The following LHX9 variants were observed in gnomAD, a reference collection of about 807,000 sequenced individuals.
LHX9 encodes LIM homeobox 9, also known as LIM/homeobox protein Lhx9.
LHX9 carries 9 observed loss-of-function variants against 36.5 expected under a neutral mutation model. That is an observed-to-expected ratio of 0.25 (90% confidence interval 0.15 to 0.43). The LOEUF is 0.43. LHX9 is among the 20% of genes least tolerant of loss of function. The pLI is 1.00. For synonymous variants in LHX9, 211 were observed against 212.1 expected (o/e 0.99, Z 0.04); for missense variants, 464 against 526.4 (o/e 0.88, Z 1.16).
intron 3 of LHX9, among the ~76,000 whole-genome samples, chr1:197,922,153 G>A (rs1276828841): frequency 2.0e-5 from 3 of 152,212 alleles, no homozygotes; most frequent in African/African-American, 7.2e-5. Context: ...GTTGGCAAGA[G>A]TGTTGAAAAA....
chr1:197,921,331 C>T lies in LHX9; in HGVS notation c.405C>T (p.Arg135=). ...GGTTCTCTGTGCAGAGATGTGCCCG[C>T]TGCCACCTTGGCATTTCCGCCTCGG... ...YRRFSVQRCA[R]CHLGISASEM... Residue 135 remains arginine (R), a synonymous_variant, in exon 3 of 5, where the codon CGC becomes CGT. Transcript: ENST00000367387. This position sits in a 1 kb window ranked among gnomAD's most constrained non-coding sequence, Gnocchi z 4.6. 1 of 1,613,992 alleles carries T rather than the reference C, an allele frequency of 6.2e-7. No individual in the cohort carries two copies. Among genetic ancestry groups the T allele is most frequent in the Non-Finnish European group, 8.5e-7 (1 of 1,179,968 alleles).
Position 197,917,863 on chromosome 1 carries a change from C to T in LHX9, c.40C>T (p.Pro14Ser), listed in dbSNP as rs764808162. 5 of 1,614,122 alleles carry T rather than the reference C, an allele frequency of 3.1e-6. No individual in the cohort carries two copies. The Admixed American group carries it at 5.0e-5, about 16-fold the overall frequency. Residue 14 changes from proline to serine, a missense_variant, in exon 1 of 5, where the codon CCT (proline) becomes TCT (serine). By Grantham distance (74) the Pro-to-Ser change is moderately conservative. This residue lies in a region of LHX9 where 119 missense variants were observed against 102.4 expected (regional missense o/e 1.16). Transcript: ENST00000367387. ...GTGCCGAGCAGAAGACAACTCGTGT[C>T]CTTTCCGCCCCCCAGCCATGCTCTT... ...VGCRAEDNSC[P>S]FRPPAMLFHG...
intron 1 of LHX9, chr1:197,918,661 G>T: frequency 2.2e-6 from 1 of 449,576 alleles, no homozygotes; most frequent in East Asian, 3.6e-5. Flanking sequence ...CAGTCGAAAC[G>T]CATGAACTTT....
intron 3 of LHX9, among the ~76,000 whole-genome samples, chr1:197,923,400 G>A (rs917304464): frequency 5.3e-5 from 8 of 152,104 alleles, no homozygotes; most frequent in African/African-American, 9.7e-5. Flanking sequence ...TCTTTGATGC[G>A]TGGTCCCCGG....
In LHX9 at chr1:197,929,595, G is replaced by T. The variant is rs1489138675; in HGVS notation, c.*336G>T. 11 of 928,870 alleles carry T rather than the reference G, an allele frequency of 1.2e-5. No individual in the cohort carries two copies. Among genetic ancestry groups the T allele is most frequent in the South Asian group, 5.0e-5 (1 of 19,990 alleles). 57.5% of individuals were successfully genotyped at this position (928,870 alleles called of 1,614,324 possible). ...TATTTCCAGAATCTCGAAGAAAAAA[G>T]AAAAAAGAGTGGTATTATTATGGGC... On this transcript the variant is annotated 3_prime_UTR_variant, in exon 5 of 5. Transcript: ENST00000367387.
chr1:197,927,595 T>C lies in LHX9; in HGVS notation c.738T>C (p.Cys246=), dbSNP rs1218351471. Residue 246 remains cysteine, a synonymous_variant, in exon 4 of 5, where the codon TGT becomes TGC. Coordinates refer to ENST00000367387, the MANE Select transcript of LHX9 (RefSeq NM_020204.3). ...TGTTCACTGTTACTGCAACAGGTTGTAATGAGAATGAGGCAGACCACTTGG... is the reference window on the plus strand; with the variant it reads ...TGTTCACTGTTACTGCAACAGGTTGCAATGAGAATGAGGCAGACCACTTGG... ...GVDIVNYNSG[C]NENEADHLDR... is the part of the protein sequence containing the mutation. 2 of 1,613,960 alleles carry C rather than the reference T, an allele frequency of 1.2e-6. No homozygotes were observed. Among genetic ancestry groups the C allele is most frequent in the South Asian group, 2.2e-5 (2 of 91,080 alleles).
intron 1 of LHX9, 181 bp downstream of exon 1, chr1:197,918,178 G>C: frequency 1.4e-6 from 1 of 703,590 alleles, no homozygotes; most frequent in Admixed American, 2.2e-5. Flanking sequence ...TCGTTTTTCT[G>C]AATCGAAATG....
intron 3 of LHX9, among the ~76,000 whole-genome samples, chr1:197,927,257 T>A (rs1001501437): frequency 2.6e-5 from 4 of 152,212 alleles, no homozygotes; most frequent in Admixed American, 6.5e-5. Flanking sequence ...GAAAAGGGTT[T>A]CTTCTTCTCA....
chr1:197,919,974 C>A lies in LHX9; in HGVS notation c.177C>A (p.Gly59=). The A allele has an allele frequency of 1.2e-6, 2 of 1,613,966 alleles. No individual in the cohort carries two copies. Among genetic ancestry groups the A allele is most frequent in the Non-Finnish European group, 1.7e-6 (2 of 1,180,008 alleles). The change falls in exon 2 of 5, where the codon GGC becomes GGA. Residue 59 remains glycine (G), a splice_region_variant and synonymous_variant. Coordinates refer to ENST00000367387, the MANE Select transcript of LHX9 (RefSeq NM_020204.3). ...CTTGCGGTGTGCTTTCTTTGCAGGG[C>A]ATGCCCCCGCTCAGCCCGGAGAAGC... ...KGAQLNGRDA[G]MPPLSPEKPA...
chr1:197,913,466 C>A (rs564683350), upstream of LHX9, among the ~76,000 whole-genome samples: 9 of 152,280 alleles, frequency 5.9e-5, no homozygotes, highest in African/African-American at 2.2e-4. Context: ...AGAAGTGCGC[C>A]CGTGCAGCAG....
At chr1:197,924,682 G>T (rs1660092975) in intron 3 of LHX9, among the ~76,000 whole-genome samples, 2 of 152,104 alleles carry the variant, frequency 1.3e-5, no homozygotes, top group African/African-American at 2.4e-5. Context: ...AAGGCTCCTG[G>T]TGGTTAAATT....
chr1:197,918,503 G>T lies in LHX9; in HGVS notation c.174+506G>T. On this transcript the variant is annotated intron_variant, in intron 1 of 4. Transcript: ENST00000367387. ...ATTTCCAGTTCTCTAGACGCTCGGGGCTTGGGACCCCTAACCGAGAGAATC... is the reference window on the plus strand; with the variant it reads ...ATTTCCAGTTCTCTAGACGCTCGGGTCTTGGGACCCCTAACCGAGAGAATC... 4.6e-6 allele frequency: 3 copies of T among 646,592 alleles called. No individual in the cohort carries two copies. In the South Asian group the frequency reaches 5.2e-5, roughly 11 times the overall value. The allele number at this position is 646,592 out of a possible 1,614,324, so 40.1% of individuals were successfully genotyped here.
chr1:197,928,044 A>G (rs1389985909), intron 4 of LHX9, among the ~76,000 whole-genome samples: 1 of 152,208 alleles, frequency 6.6e-6, no homozygotes, highest in Non-Finnish European at 1.5e-5. Flanking sequence ...CTCCAAAGGC[A>G]GCACAGCTTG....
At chr1:197,922,111 T>G (rs1388821250) in intron 3 of LHX9, among the ~76,000 whole-genome samples, 2 of 151,632 alleles carry the variant, frequency 1.3e-5, no homozygotes, top group East Asian at 3.9e-4. Context: ...TCAGAGGCTG[T>G]GGTCACCAGC....
At chr1:197,927,928 G>T (rs1352280045) in intron 4 of LHX9, 135 bp downstream of exon 4, 6 of 862,070 alleles carry the variant, frequency 7.0e-6, no homozygotes, top group African/African-American at 6.8e-5. Context: ...TATCTCCCTA[G>T]AGGGTGTTCT....
chr1:197,927,691 G>A lies in LHX9; in HGVS notation c.834G>A (p.Gln278=). 6.2e-7 allele frequency: 1 copy of A among 1,614,136 alleles called. No individual in the cohort carries two copies. The highest frequency in any genetic ancestry group is 8.5e-7 in the Non-Finnish European group (1 of 1,180,034). Residue 278 remains glutamine, a synonymous_variant, in exon 4 of 5, where the codon CAG becomes CAA. Transcript: ENST00000367387. ...TGCGAACCTCTTTCAAGCATCACCA[G>A]CTCCGGACCATGAAATCCTACTTTG... ...KRMRTSFKHH[Q]LRTMKSYFAI...
intron 2 of LHX9, among the ~76,000 whole-genome samples, chr1:197,920,442 T>TG (rs1283672701): frequency 6.6e-6 from 1 of 152,046 alleles, no homozygotes; most frequent in Non-Finnish European, 1.5e-5. Flanking sequence ...TGGCGGAACT[T>TG]GGGGAAATCT....
chr1:197,921,592 G>C lies in LHX9; in HGVS notation c.666G>C (p.Val222=). 1 of 1,609,512 alleles carries C rather than the reference G, an allele frequency of 6.2e-7. No individual in the cohort carries two copies. Among genetic ancestry groups the C allele is most frequent in the Non-Finnish European group, 8.5e-7 (1 of 1,179,112 alleles). Residue 222 remains valine, a synonymous_variant, in exon 3 of 5, where the codon GTG becomes GTC. Transcript: ENST00000367387. This position sits in a 1 kb window ranked among gnomAD's most constrained non-coding sequence, Gnocchi z 4.6. ...ALPYFNGTGT[V]QKGRPRKRKS... Reference sequence around the variant, plus strand: ...CTTACTTCAACGGTACGGGCACCGTGCAGAAAGGGCGGCCCCGGAAGCGGA... The same window carrying C: ...CTTACTTCAACGGTACGGGCACCGTCCAGAAAGGGCGGCCCCGGAAGCGGA...
In LHX9 at chr1:197,921,096, G is replaced by A. The variant is rs564875747; in HGVS notation, c.378-208G>A. 7.2e-5 allele frequency among the ~76,000 whole-genome samples: 11 copies of A among 151,976 alleles called. No homozygotes were observed. Among genetic ancestry groups the A allele is most frequent in the Admixed American group, 2.0e-4 (3 of 15,258 alleles). On this transcript the variant is annotated intron_variant, in intron 2 of 4. Transcript: ENST00000367387. This position sits in a 1 kb window ranked among gnomAD's most constrained non-coding sequence, Gnocchi z 4.6. The stretch of plus-strand genomic sequence containing the variant: ...GAAGAAAACTAAGGCTTAGTTGCCC[G>A]ATTCTTCTGACTTTAATGTAAAGAT...
Sources: allele counts gnomAD v4.1 joint callset (sites outside exome capture counted in the v4.1 genomes callset), GRCh38; gene constraint gnomAD v4.1.1; regional missense constraint gnomAD v4.1.1; non-coding constraint Gnocchi (gnomAD v3.1); transcripts MANE v1.5; gene names NCBI Gene and HGNC (gene_info 2026-07-23, HGNC 2026-07-21).